Variants in REDIC1 observed in about 807,000 individuals in gnomAD.
REDIC1 encodes the protein regulator of DNA class I crossover intermediates 1, also known as HEI10 Interacting Protein 1.
the REDIC1 span, among the ~76,000 whole-genome samples, chr12:39,870,079 T>C: frequency 6.6e-6 from 1 of 152,180 alleles, no homozygotes; most frequent in African/African-American, 2.4e-5. Context: ...GATAAGAAAG[T>C]GTTTTACTGG....
At chr12:39,833,589 C>A in the REDIC1 span, among the ~76,000 whole-genome samples, 9 of 152,052 alleles carry the variant, frequency 5.9e-5, no homozygotes, top group African/African-American at 2.2e-4. Flanking sequence ...CACTTTTCAA[C>A]CTCTAGACTA....
chr12:39,779,430 C>A, the REDIC1 span, among the ~76,000 whole-genome samples: 1 of 152,142 alleles, frequency 6.6e-6, no homozygotes, highest in Non-Finnish European at 1.5e-5. Flanking sequence ...ACTTTTATGA[C>A]CCTCACTAGA....
the REDIC1 span, among the ~76,000 whole-genome samples, chr12:39,796,207 C>T: frequency 6.6e-6 from 1 of 152,304 alleles, no homozygotes; most frequent in South Asian, 2.1e-4. Context: ...ATTTCATTCA[C>T]TCCCACGATG....
the REDIC1 span, among the ~76,000 whole-genome samples, chr12:39,678,414 A>G: frequency 1.3e-5 from 2 of 152,200 alleles, no homozygotes; most frequent in South Asian, 2.1e-4. Flanking sequence ...GAACAGACCA[A>G]TGACAAGTAG....
chr12:39,665,120 T>G, the REDIC1 span, among the ~76,000 whole-genome samples: 5 of 152,068 alleles, frequency 3.3e-5, no homozygotes, highest in Non-Finnish European at 7.4e-5. Context: ...CCATTGCTTT[T>G]GGTGTTTTAG....
At chr12:39,732,496 C>A in the REDIC1 span, among the ~76,000 whole-genome samples, 1 of 152,084 alleles carries the variant, frequency 6.6e-6, no homozygotes, top group East Asian at 1.9e-4. Context: ...CAGTAATTCG[C>A]TGGAGGGTTG....
chr12:39,735,626 A>T, the REDIC1 span, among the ~76,000 whole-genome samples: 1 of 152,230 alleles, frequency 6.6e-6, no homozygotes, highest in African/African-American at 2.4e-5. Context: ...AGGCTTTTGG[A>T]CGAAGGCCAA....
chr12:39,859,372 G>T, the REDIC1 span, among the ~76,000 whole-genome samples: 1 of 135,806 alleles, frequency 7.4e-6, no homozygotes, highest in East Asian at 2.3e-4. Flanking sequence ...TATGGCAGTG[G>T]TTCTTAATGG....
At chr12:39,840,763 G>A in the REDIC1 span, among the ~76,000 whole-genome samples, 2 of 151,964 alleles carry the variant, frequency 1.3e-5, no homozygotes, top group Admixed American at 6.6e-5. Context: ...TTCATGCTGT[G>A]TTTGCTTTCC....
chr12:39,690,259 T>C, the REDIC1 span, among the ~76,000 whole-genome samples: 1 of 152,154 alleles, frequency 6.6e-6, no homozygotes, highest in Non-Finnish European at 1.5e-5. Context: ...TGGGGACATG[T>C]GGTGTTCTCA....
At chr12:39,713,574 A>T in the REDIC1 span, among the ~76,000 whole-genome samples, 23 of 150,060 alleles carry the variant, frequency 1.5e-4, no homozygotes, top group Non-Finnish European at 2.2e-4. Flanking sequence ...GTACGCGTAC[A>T]TATGTATACA....
chr12:39,743,495 T>G, the REDIC1 span, among the ~76,000 whole-genome samples: 2 of 152,220 alleles, frequency 1.3e-5, no homozygotes, highest in South Asian at 4.1e-4. Context: ...AAACACAATT[T>G]GAAAAGACAA....
chr12:39,840,528 A>G, the REDIC1 span, among the ~76,000 whole-genome samples: 1 of 152,008 alleles, frequency 6.6e-6, no homozygotes, highest in Non-Finnish European at 1.5e-5. Context: ...TAGCCAGTCC[A>G]AAGAGACTGC....
the REDIC1 span, among the ~76,000 whole-genome samples, chr12:39,841,622 T>A: frequency 6.6e-6 from 1 of 152,100 alleles, no homozygotes; most frequent in South Asian, 2.1e-4. Context: ...CATACATGTA[T>A]AAATAACTTT....
chr12:39,809,690 T>C, the REDIC1 span, among the ~76,000 whole-genome samples: 1 of 152,224 alleles, frequency 6.6e-6, no homozygotes, highest in African/African-American at 2.4e-5. Context: ...TGGTGTGTGA[T>C]GTTCCCCTTC....
chr12:39,889,582 G>C, the REDIC1 span, among the ~76,000 whole-genome samples: 1 of 134,660 alleles, frequency 7.4e-6, no homozygotes, highest in African/African-American at 2.8e-5. Flanking sequence ...CACTAGGCTA[G>C]ACTGCAGTAG....
At chr12:39,851,515 C>T in the REDIC1 span, among the ~76,000 whole-genome samples, 1 of 152,068 alleles carries the variant, frequency 6.6e-6, no homozygotes, top group Non-Finnish European at 1.5e-5. Context: ...CAAGATGGCC[C>T]TAATGTACAA....
At chr12:39,732,721 A>G in the REDIC1 span, among the ~76,000 whole-genome samples, 1 of 152,206 alleles carries the variant, frequency 6.6e-6, no homozygotes, top group Admixed American at 6.5e-5. Context: ...TTTTCTTAAT[A>G]TAATTAATTA....
the REDIC1 span, among the ~76,000 whole-genome samples, chr12:39,862,171 C>A: frequency 6.6e-6 from 1 of 152,104 alleles, no homozygotes; most frequent in African/African-American, 2.4e-5. Context: ...CATTATCAAT[C>A]AAAAACTTAA....
Sources: allele counts gnomAD v4.1 joint callset (sites outside exome capture counted in the v4.1 genomes callset), GRCh38; gene constraint gnomAD v4.1.1; transcripts MANE v1.5; gene names NCBI Gene and HGNC (gene_info 2026-07-23, HGNC 2026-07-21).